The following JCHAIN variants were observed in gnomAD, a reference collection of about 807,000 sequenced individuals.
JCHAIN encodes joining chain of multimeric IgA and IgM, also known as immunoglobulin J chain.
In JCHAIN, 5 loss-of-function variants were observed where a neutral mutation model predicts 11.1. The ratio of observed to expected loss-of-function variants is 0.45; its 90% CI spans 0.24 to 0.95. The LOEUF is 0.95. Ranked by LOEUF, JCHAIN falls within the 40% of genes least tolerant of loss-of-function variation. The pLI is 0.21. For missense variants in JCHAIN, 165 were observed against 192.7 expected (o/e 0.86, Z 0.85); for synonymous variants, 51 against 67.8 (o/e 0.75, Z 1.22).
rs1275023564 is a variant in JCHAIN, at chr4:70,657,224, G to C, written c.256C>G (p.His86Asp). Residue 86 changes from histidine (H) to aspartate (D), a missense_variant, in exon 3 of 4, where the codon CAT (histidine) becomes GAT (aspartate). By Grantham distance (81) the His-to-Asp change is moderately conservative. Transcript: ENST00000254801. ...AATATATCTTACAGGTCAGACAAAT[G>C]GTACACAAATCTGGTTCTCAATGGT... is the stretch of plus-strand genomic sequence containing the variant. ...TSPLRTRFVY[H>D]LSDLCKKCDP... The C allele has an allele frequency of 6.3e-7, 1 of 1,587,082 alleles. No homozygotes were observed. The highest frequency in any genetic ancestry group is 8.6e-7 in the Non-Finnish European group (1 of 1,156,556).
intron 2 of JCHAIN, 37 bp from the exon 3 acceptor site, chr4:70,657,328 A>G (rs1297882613): frequency 2.4e-6 from 3 of 1,254,638 alleles, no homozygotes; most frequent in East Asian, 4.6e-5. Context: ...TAAAACAATG[A>G]AATGCAGATA....
rs1738944637 is a variant in JCHAIN, at chr4:70,656,061, C to T, written c.*268G>A. On this transcript the variant is annotated 3_prime_UTR_variant, in exon 4 of 4. Coordinates refer to ENST00000254801, the MANE Select transcript of JCHAIN (RefSeq NM_144646.4). ...TTTGTTTAATGCTAGAAACTGTATT[C>T]CTAAGAGAGCATACCTCTTTCAGGT... The T allele has an allele frequency of 2.0e-5, 7 of 345,024 alleles. No individual in the cohort carries two copies. In the South Asian group the frequency reaches 4.0e-4, roughly 20 times the overall value. The allele number at this position is 345,024 out of a possible 1,614,324, so 21.4% of individuals were successfully genotyped here. A position where few individuals can be genotyped will look rare whatever the true frequency, so the allele number is the denominator to read the frequency against.
Position 70,656,062 on chromosome 4 carries a change from C to G in JCHAIN, c.*267G>C, listed in dbSNP as rs1176134549. On this transcript the variant is annotated 3_prime_UTR_variant, in exon 4 of 4. Coordinates refer to ENST00000254801, the MANE Select transcript of JCHAIN (RefSeq NM_144646.4). ...TTGTTTAATGCTAGAAACTGTATTC[C>G]TAAGAGAGCATACCTCTTTCAGGTG... is the stretch of plus-strand genomic sequence containing the variant. 1 of 348,230 alleles carries G rather than the reference C, an allele frequency of 2.9e-6. No homozygotes were observed. Among genetic ancestry groups the G allele is most frequent in the African/African-American group, 2.1e-5 (1 of 47,326 alleles). 21.6% of individuals were successfully genotyped at this position (348,230 alleles called of 1,614,324 possible).
In JCHAIN at chr4:70,658,168, A is replaced by G. The variant is rs547782572; in HGVS notation, c.189-877T>C. Among the ~76,000 whole-genome samples, 61 of 152,214 alleles carry G rather than the reference A, an allele frequency of 4.0e-4. 1 individual carries two copies. In the South Asian group the frequency reaches 0.013, roughly 32 times the overall value. On this transcript the variant is annotated intron_variant, in intron 2 of 3. Coordinates refer to ENST00000254801, the MANE Select transcript of JCHAIN (RefSeq NM_144646.4). ...AGTCCAGTTGATTCTAATTATTTTCATGTGTGAAATCCATCCACTTGCCTC... is the reference window on the plus strand; with the variant it reads ...AGTCCAGTTGATTCTAATTATTTTCGTGTGTGAAATCCATCCACTTGCCTC...
chr4:70,656,601 C>T, intron 3 of JCHAIN, 62 bp from the exon 4 acceptor site: 1 of 1,222,462 alleles, frequency 8.2e-7, no homozygotes, highest in Non-Finnish European at 1.2e-6. Context: ...TGTGACTACA[C>T]ATTTCAATCC....
At chr4:70,665,882 A>G (rs1269636490) in intron 1 of JCHAIN, 2 of 332,524 alleles carry the variant, frequency 6.0e-6, no homozygotes, top group African/African-American at 4.4e-5. Context: ...AATGTATTCC[A>G]TTTTCTGAAG....
intron 1 of JCHAIN, 132 bp from the exon 2 acceptor site, chr4:70,662,347 T>C (rs1490628921): frequency 2.2e-5 from 16 of 734,460 alleles, no homozygotes; most frequent in African/African-American, 1.1e-4. Flanking sequence ...TCTCCATTTG[T>C]TCTCTAAGCA....
chr4:70,657,230 C>T lies in JCHAIN; in HGVS notation c.250G>A (p.Val84Met), dbSNP rs1483920582. 6.3e-7 allele frequency: 1 copy of T among 1,597,212 alleles called. No individual in the cohort carries two copies. Among genetic ancestry groups the T allele is most frequent in the Admixed American group, 1.7e-5 (1 of 59,952 alleles). ...TCTTACAGGTCAGACAAATGGTACA[C>T]AAATCTGGTTCTCAATGGTGAGGTG... Reference protein sequence around the residue: ...DPTSPLRTRFVYHLSDLCKKC... With the variant: ...DPTSPLRTRFMYHLSDLCKKC... The change falls in exon 3 of 4, where the codon GTG (valine) becomes ATG (methionine). Residue 84 changes from valine (V) to methionine (M), a missense_variant. Val to Met is a conservative substitution (Grantham distance 21). Transcript: ENST00000254801.
intron 1 of JCHAIN, chr4:70,663,358 A>G (rs1452509420): frequency 6.6e-6 from 1 of 150,474 alleles, no homozygotes; most frequent in Non-Finnish European, 1.5e-5. Flanking sequence ...ACCTGGCTAG[A>G]TCTTTGTATT....
At chr4:70,662,763 G>A (rs1039234117) in intron 1 of JCHAIN, among the ~76,000 whole-genome samples, 6 of 151,740 alleles carry the variant, frequency 4.0e-5, no homozygotes, top group Admixed American at 1.3e-4. Flanking sequence ...GTTCAAGACC[G>A]GCCTGGCCAA....
chr4:70,656,205 T>C lies in JCHAIN; in HGVS notation c.*124A>G. 2 of 663,816 alleles carry C rather than the reference T, an allele frequency of 3.0e-6. No individual in the cohort carries two copies. The highest frequency in any genetic ancestry group is 5.2e-6 in the Non-Finnish European group (2 of 384,662). 41.1% of individuals were successfully genotyped at this position (663,816 alleles called of 1,614,324 possible). On this transcript the variant is annotated 3_prime_UTR_variant, in exon 4 of 4. Coordinates refer to ENST00000254801, the MANE Select transcript of JCHAIN (RefSeq NM_144646.4). Reference sequence around the variant, plus strand: ...TATTTTGGTGGCAGGGAGTTGGTTTTACATCACCCAAAAAAAAAAAAAAGC... The same window carrying C: ...TATTTTGGTGGCAGGGAGTTGGTTTCACATCACCCAAAAAAAAAAAAAAGC...
intron 2 of JCHAIN, among the ~76,000 whole-genome samples, chr4:70,657,780 T>C (rs754462187): frequency 1.3e-5 from 2 of 152,146 alleles, no homozygotes; most frequent in Admixed American, 6.6e-5. Context: ...ATATGGAATA[T>C]GTTCAATATA....
At chr4:70,664,419 G>C (rs751944670) in intron 1 of JCHAIN, among the ~76,000 whole-genome samples, 1 of 152,004 alleles carries the variant, frequency 6.6e-6, no homozygotes, top group Non-Finnish European at 1.5e-5. Context: ...GTCTATTCCT[G>C]AGACGATTCC....
chr4:70,662,097 T>C lies in JCHAIN; in HGVS notation c.183A>G (p.Arg61=), dbSNP rs1321554081. Residue 61 remains arginine (R), a synonymous_variant, in exon 2 of 4, where the codon CGA becomes CGG. Transcript: ENST00000254801. ...GAATATGGAATGCCACATACATAAT[T>C]CGGATGTTTCTCTCCACAATGTCCT... ...PNEDIVERNI[R]IIVPLNNREN... The C allele has an allele frequency of 6.8e-6, 11 of 1,613,664 alleles. No individual in the cohort carries two copies. Among genetic ancestry groups the C allele is most frequent in the Non-Finnish European group, 8.5e-6 (10 of 1,179,760 alleles).
Position 70,656,215 on chromosome 4 carries a change from A to C in JCHAIN, c.*114T>G, listed in dbSNP as rs548707317. 51 of 146,476 alleles carry C rather than the reference A, an allele frequency of 3.5e-4. No individual in the cohort carries two copies. The East Asian group carries it at 4.0e-3, about 12-fold the overall frequency. The allele number at this position is 146,476 out of a possible 1,614,324, so 9.1% of individuals were successfully genotyped here. A position where few individuals can be genotyped will look rare whatever the true frequency, so the allele number is the denominator to read the frequency against. On this transcript the variant is annotated 3_prime_UTR_variant, in exon 4 of 4. Coordinates refer to ENST00000254801, the MANE Select transcript of JCHAIN (RefSeq NM_144646.4). ...GCAGGGAGTTGGTTTTACATCACCC[A>C]AAAAAAAAAAAAAGCCCTGGTTTCA...
chr4:70,656,564 A>G, intron 3 of JCHAIN, 25 bp from the exon 4 acceptor site: 1 of 1,545,512 alleles, frequency 6.5e-7, no homozygotes, highest in Non-Finnish European at 8.9e-7. Flanking sequence ...TATGTATTAG[A>G]CAATCCCCTC....
Position 70,666,479 on chromosome 4 carries a change from A to G in JCHAIN, c.12T>C (p.His4=), listed in dbSNP as rs1211252170. The G allele has an allele frequency of 2.5e-6, 4 of 1,612,692 alleles. No individual in the cohort carries two copies. The highest frequency in any genetic ancestry group is 4.5e-5 in the East Asian group (2 of 44,804). Residue 4 remains histidine (H), a synonymous_variant, in exon 1 of 4, where the codon CAT becomes CAC. Transcript: ENST00000254801. ...CCGCCAGGACTCCCCAGAAAAGCAAATGGTTCTTCATCTTGACTTCACTTC... is the reference window on the plus strand; with the variant it reads ...CCGCCAGGACTCCCCAGAAAAGCAAGTGGTTCTTCATCTTGACTTCACTTC... MKN[H]LLFWGVLAVF... is the part of the protein sequence containing the mutation.
intron 2 of JCHAIN, among the ~76,000 whole-genome samples, chr4:70,660,582 C>T (rs1739034639): frequency 6.6e-6 from 1 of 152,032 alleles, no homozygotes; most frequent in Non-Finnish European, 1.5e-5. Context: ...CGGGGTTTCA[C>T]CATGTTGGCC....
intron 2 of JCHAIN, among the ~76,000 whole-genome samples, chr4:70,661,055 C>A (rs1397911350): frequency 6.6e-6 from 1 of 151,866 alleles, no homozygotes; most frequent in African/African-American, 2.4e-5. Context: ...ATTAAGTGTC[C>A]CAGACAGAAC....
Sources: allele counts gnomAD v4.1 joint callset (sites outside exome capture counted in the v4.1 genomes callset), GRCh38; gene constraint gnomAD v4.1.1; transcripts MANE v1.5; gene names NCBI Gene and HGNC (gene_info 2026-07-23, HGNC 2026-07-21).